ABCB4: variants seen among roughly 807,000 people sequenced by gnomAD.
The protein encoded by ABCB4 is ATP binding cassette subfamily B member 4, also known as phosphatidylcholine translocator ABCB4.
Under a neutral mutation model 145.7 loss-of-function variants are expected in ABCB4, and 76 were observed. That is an observed-to-expected ratio of 0.52 (90% CI 0.43 to 0.63). The LOEUF (loss-of-function observed/expected upper bound fraction) is 0.63. Among genes scored for constraint, ABCB4 ranks in the 30% least tolerant of loss-of-function variants. ABCB4 has a pLI of 0.00. For synonymous variants in ABCB4, 517 were observed against 566.8 expected, an observed-to-expected ratio of 0.91 and a Z score of 1.25; for missense variants, 1,234 against 1,553.1, an observed-to-expected ratio of 0.79 and a Z score of 3.45.
At chr7:87,426,557 A>C (rs1361633731) in intron 16 of ABCB4, among the ~76,000 whole-genome samples, 193 bp downstream of exon 16, 1 of 152,012 alleles carries the variant, frequency 6.6e-6, no homozygotes, top group Non-Finnish European at 1.5e-5. Flanking sequence ...TCCCTTGAAA[A>C]CCCATTTATA....
At chr7:87,441,241 A>G (rs11971900) in intron 12 of ABCB4, among the ~76,000 whole-genome samples, 6,140 of 152,290 alleles carry the variant, frequency 0.04, 402 homozygotes, top group African/African-American at 0.14. Flanking sequence ...ATAAAAGGCT[A>G]AATAATTATC....
chr7:87,452,969 T>C lies in ABCB4; in HGVS notation c.511A>G (p.Thr171Ala), dbSNP rs542995265. 2.3e-5 allele frequency: 37 copies of C among 1,614,084 alleles called. No individual in the cohort carries two copies. In the South Asian group the frequency reaches 3.4e-4, roughly 15 times the overall value. Reference sequence around the variant, plus strand: ...TCTGTTAGCCGCGTATTGAGTTCAGTGGTGTCGTTGATGTCAAACCATCCT... The same window carrying C: ...TCTGTTAGCCGCGTATTGAGTTCAGCGGTGTCGTTGATGTCAAACCATCCT... ...EIGWFDINDT[T>A]ELNTRLTDDI... Residue 171 changes from threonine to alanine, a missense_variant, in exon 6 of 28, where the codon ACT becomes GCT. Physicochemically the swap from Thr to Ala is moderately conservative, Grantham distance 58. Coordinates refer to ENST00000649586, the MANE Select transcript of ABCB4 (RefSeq NM_000443.4).
intron 9 of ABCB4, among the ~76,000 whole-genome samples, chr7:87,445,377 G>A (rs939559555): frequency 6.6e-6 from 1 of 152,012 alleles, no homozygotes; most frequent in African/African-American, 2.4e-5. Context: ...CTCCTAAAAA[G>A]CACCATGTCA....
intron 17 of ABCB4, 73 bp downstream of exon 17, chr7:87,423,833 C>T (rs530387043): frequency 1.5e-5 from 23 of 1,585,170 alleles, no homozygotes; most frequent in South Asian, 6.6e-5. Flanking sequence ...TGGAGCCAGT[C>T]AGTGAGGTTG....
chr7:87,472,643 T>C lies in ABCB4; in HGVS notation c.113A>G (p.Lys38Arg). 1 of 1,609,572 alleles carries C rather than the reference T, an allele frequency of 6.2e-7. No individual in the cohort carries two copies. Among genetic ancestry groups the C allele is most frequent in the Non-Finnish European group, 8.5e-7 (1 of 1,175,968 alleles). ...TACCAATGTTAATACTCCAATCATT[T>C]TCACTGTCTTCGTTTTTTTCCTTTT... is the stretch of plus-strand genomic sequence containing the variant. ...KQKRKKTKTVKMIGVLTLFRY... is the reference protein window; with the variant it reads ...KQKRKKTKTVRMIGVLTLFRY... Residue 38 changes from lysine (K) to arginine (R), a missense_variant, in exon 3 of 28, where the codon AAA (lysine) becomes AGA (arginine). Around this residue, in one of 7 missense-constraint regions of ABCB4, gnomAD observed 77 missense variants for 73.3 expected, o/e 1.05. Transcript: ENST00000649586.
At chr7:87,427,664 G>T (rs1809935176) in intron 15 of ABCB4, among the ~76,000 whole-genome samples, 1 of 152,128 alleles carries the variant, frequency 6.6e-6, no homozygotes, top group South Asian at 2.1e-4. Flanking sequence ...TTGTAGTAGT[G>T]TCTTGTTCTT....
Position 87,439,814 on chromosome 7 carries a change from C to G in ABCB4, c.1584G>C (p.Glu528Asp), listed in dbSNP as rs8187797. ...LPQKFDTLVG[E>D]RGAQLSGGQK... ...GCCCACCACTCAGCTGGGCCCCTCT[C>G]TCTCCAACCAGGGTGTCAAATTTCT... Residue 528 changes from glutamate (E) to aspartate (D), a missense_variant, in exon 14 of 28, where the codon GAG becomes GAC. Physicochemically the swap from Glu to Asp is conservative, Grantham distance 45. Around this residue, in one of 7 missense-constraint regions of ABCB4, gnomAD observed 467 missense variants for 632.8 expected, o/e 0.74. Coordinates refer to ENST00000649586, the MANE Select transcript of ABCB4 (RefSeq NM_000443.4). The G allele has an allele frequency of 1.5e-3, 2,444 of 1,614,180 alleles. 42 individuals are homozygous for G. In the African/African-American group the frequency reaches 0.029, roughly 19 times the overall value.
Position 87,401,704 on chromosome 7 carries a change from T to C in ABCB4, c.*392A>G. The C allele has an allele frequency of 3.3e-6, 1 of 305,148 alleles. No homozygotes were observed. The highest frequency in any genetic ancestry group is 8.3e-5 in the East Asian group (1 of 12,042). The allele number at this position is 305,148 out of a possible 1,614,324, so 18.9% of individuals were successfully genotyped here. A position where few individuals can be genotyped will look rare whatever the true frequency, so the allele number is the denominator to read the frequency against. On this transcript the variant is annotated 3_prime_UTR_variant, in exon 28 of 28. Coordinates refer to ENST00000649586, the MANE Select transcript of ABCB4 (RefSeq NM_000443.4). ...AAAATTACCAAGAGAGATGAGGCTATTGAACAATTTATTTTTCTTTTGTAC... is the reference window on the plus strand; with the variant it reads ...AAAATTACCAAGAGAGATGAGGCTACTGAACAATTTATTTTTCTTTTGTAC...
chr7:87,459,879 T>C (rs529078469), intron 4 of ABCB4, among the ~76,000 whole-genome samples: 130 of 152,342 alleles, frequency 8.5e-4, no homozygotes, highest in African/African-American at 3.0e-3. Context: ...AAATATTCCA[T>C]TGGTGCTCTA....
At chr7:87,424,809 C>T (rs1191399164) in intron 16 of ABCB4, among the ~76,000 whole-genome samples, 1 of 152,040 alleles carries the variant, frequency 6.6e-6, no homozygotes, top group Non-Finnish European at 1.5e-5. Flanking sequence ...ATAAGATTCT[C>T]AGCAAATGTT....
rs1810847254 is a variant in ABCB4, at chr7:87,439,759, G to A, written c.1639C>T (p.Leu547=). The A allele has an allele frequency of 1.9e-6, 3 of 1,614,032 alleles. No homozygotes were observed. The highest frequency in any genetic ancestry group is 3.3e-5 in the Admixed American group (2 of 60,004). ...AGAAGGATCTTGGGGTTGCGAACCAGGGCACGTGCAATGGCGATCCTCTGC... is the reference window on the plus strand; with the variant it reads ...AGAAGGATCTTGGGGTTGCGAACCAAGGCACGTGCAATGGCGATCCTCTGC... ...QKQRIAIARA[L]VRNPKILLLD... is the part of the protein sequence containing the mutation. The change falls in exon 14 of 28, where the codon CTG becomes TTG. Residue 547 remains leucine (L), a synonymous_variant. Coordinates refer to ENST00000649586, the MANE Select transcript of ABCB4 (RefSeq NM_000443.4).
chr7:87,402,064 A>T lies in ABCB4; in HGVS notation c.*32T>A. On this transcript the variant is annotated 3_prime_UTR_variant, in exon 28 of 28. Coordinates refer to ENST00000649586, the MANE Select transcript of ABCB4 (RefSeq NM_000443.4). ...TCAGATAAAATGGTAGAATAATTTG[A>T]ATTTATTTTTAAAATATACTGTAGC... The T allele has an allele frequency of 6.2e-7, 1 of 1,611,464 alleles. No individual in the cohort carries two copies. Among genetic ancestry groups the T allele is most frequent in the Non-Finnish European group, 8.5e-7 (1 of 1,177,908 alleles).
At chr7:87,402,558 TTAAC>T (rs1382747318) in intron 27 of ABCB4, among the ~76,000 whole-genome samples, 4 of 152,220 alleles carry the variant, frequency 2.6e-5, no homozygotes, top group African/African-American at 9.6e-5. Flanking sequence ...AATCTTCTGT[TTAAC>T]TAGTTCCCTT....
chr7:87,449,377 T>G (rs2116773995), intron 8 of ABCB4, among the ~76,000 whole-genome samples: 1 of 152,190 alleles, frequency 6.6e-6, no homozygotes, highest in Admixed American at 6.5e-5. Flanking sequence ...TTTAATATAA[T>G]TATTTTCCTT....
At chr7:87,449,913 G>A (rs565385146) in intron 8 of ABCB4, 55 bp downstream of exon 8, 11 of 1,613,528 alleles carry the variant, frequency 6.8e-6, no homozygotes, top group African/African-American at 1.3e-5. Context: ...CAAAGAAGAA[G>A]CAACAAAATG....
chr7:87,428,365 C>G (rs1809978712), intron 15 of ABCB4, among the ~76,000 whole-genome samples: 1 of 152,140 alleles, frequency 6.6e-6, no homozygotes, highest in African/African-American at 2.4e-5. Flanking sequence ...ACCAATAGCC[C>G]TCATTTCTTC....
intron 3 of ABCB4, among the ~76,000 whole-genome samples, chr7:87,471,869 A>AT (rs1321847071): frequency 6.6e-6 from 1 of 152,222 alleles, no homozygotes; most frequent in Non-Finnish European, 1.5e-5. Flanking sequence ...TATTTAGCCA[A>AT]TTTTTTGGAA....
intron 3 of ABCB4, among the ~76,000 whole-genome samples, chr7:87,464,152 A>C (rs947671456): frequency 6.6e-6 from 1 of 152,150 alleles, no homozygotes; most frequent in African/African-American, 2.4e-5. Context: ...TGAGGGCTGA[A>C]GCTAGGTCAG....
Position 87,422,190 on chromosome 7 carries a change from C to T in ABCB4, c.2247G>A (p.Gln749=), listed in dbSNP as rs1342527056. Residue 749 remains glutamine, a synonymous_variant, in exon 18 of 28, where the codon CAG becomes CAA. Coordinates refer to ENST00000649586, the MANE Select transcript of ABCB4 (RefSeq NM_000443.4). ...FGPGDDAVKQ[Q]KCNIFSLIFL... is the part of the protein sequence containing the mutation. ...AAATCAAAGAGAATATGTTGCACTT[C>T]TGCTGCTTCACTGCATCATCGCCTG... 3 of 1,613,734 alleles carry T rather than the reference C, an allele frequency of 1.9e-6. No individual in the cohort carries two copies. Among genetic ancestry groups the T allele is most frequent in the East Asian group, 4.5e-5 (2 of 44,788 alleles).
Sources: gnomAD v4.1 joint callset for allele counts (sites outside exome capture counted in the v4.1 genomes callset) on GRCh38, gnomAD v4.1.1 for gene constraint, gnomAD v4.1.1 regional missense constraint, MANE v1.5 for transcripts, NCBI Gene and HGNC (gene_info 2026-07-23, HGNC 2026-07-21) for gene names.